PHF21A: variants seen among roughly 807,000 people sequenced by gnomAD.
The protein encoded by PHF21A is BHC80a.
Under a neutral mutation model 82.5 loss-of-function variants are expected in PHF21A, and 11 were observed. The ratio of observed to expected loss-of-function variants is 0.13; its 90% CI spans 0.08 to 0.22. PHF21A has a LOEUF of 0.22. Ranked by LOEUF, PHF21A falls within the 10% of genes least tolerant of loss-of-function variation. The pLI is 1.00. For synonymous variants in PHF21A, 297 were observed against 302.8 expected, an observed-to-expected ratio of 0.98 and a Z score of 0.20; for missense variants, 579 against 837.8, an observed-to-expected ratio of 0.69 and a Z score of 3.81.
chr11:46,003,214 T>TAA (rs537419397), intron 6 of PHF21A, among the ~76,000 whole-genome samples: 1 of 150,036 alleles, frequency 6.7e-6, no homozygotes, highest in South Asian at 2.1e-4. Context: ...AGAGTGCCAC[T>TAA]AAAAAAAGTC....
chr11:46,012,468 G>A (rs1323499536), intron 6 of PHF21A, among the ~76,000 whole-genome samples: 1 of 152,150 alleles, frequency 6.6e-6, no homozygotes, highest in African/African-American at 2.4e-5. Flanking sequence ...CACAAACAGT[G>A]AAGGACCACA....
intron 6 of PHF21A, among the ~76,000 whole-genome samples, chr11:46,022,479 A>G (rs1318611074): frequency 6.6e-6 from 1 of 152,008 alleles, no homozygotes; most frequent in Admixed American, 6.6e-5. Flanking sequence ...AAAGAAACAA[A>G]AAGACAGGGT....
intron 6 of PHF21A, among the ~76,000 whole-genome samples, chr11:46,007,334 G>A (rs545163175): frequency 1.4e-5 from 2 of 146,210 alleles, no homozygotes; most frequent in South Asian, 2.1e-4. Flanking sequence ...TTTTTTTTTC[G>A]AGATGGAGTT....
intron 6 of PHF21A, among the ~76,000 whole-genome samples, chr11:46,040,209 C>T (rs2096100582): frequency 1.3e-5 from 2 of 152,064 alleles, no homozygotes; most frequent in Non-Finnish European, 2.9e-5. Context: ...GAACATAATA[C>T]AAGTCACATA....
At chr11:46,034,988 A>G (rs2095963549) in intron 6 of PHF21A, among the ~76,000 whole-genome samples, 1 of 152,250 alleles carries the variant, frequency 6.6e-6, no homozygotes, top group Admixed American at 6.5e-5. Context: ...GTAGTTAAAA[A>G]TGAAGTGGAG....
intron 6 of PHF21A, among the ~76,000 whole-genome samples, chr11:46,054,442 C>T (rs1413900624): frequency 6.6e-6 from 1 of 152,182 alleles, no homozygotes; most frequent in Non-Finnish European, 1.5e-5. Flanking sequence ...TTAAAATCCA[C>T]TTACCTACTC....
chr11:46,088,853 G>A (rs2096887787), intron 3 of PHF21A, among the ~76,000 whole-genome samples: 3 of 151,714 alleles, frequency 2.0e-5, no homozygotes. Flanking sequence ...TATTTCTCTG[G>A]GTATACTTCT....
At chr11:45,977,127 C>T (rs1483907108) in intron 7 of PHF21A, among the ~76,000 whole-genome samples, 2 of 150,472 alleles carry the variant, frequency 1.3e-5, no homozygotes, top group South Asian at 4.2e-4. Flanking sequence ...TTTGGAAATG[C>T]TTCCTTTGAT....
At chr11:46,000,336 A>G (rs1353107471) in intron 6 of PHF21A, among the ~76,000 whole-genome samples, 1 of 152,232 alleles carries the variant, frequency 6.6e-6, no homozygotes, top group Non-Finnish European at 1.5e-5. Context: ...CTACTTCTTC[A>G]TACTCTACTG....
At chr11:46,051,868 C>T (rs1245040741) in intron 6 of PHF21A, among the ~76,000 whole-genome samples, 1 of 152,160 alleles carries the variant, frequency 6.6e-6, no homozygotes, top group Admixed American at 6.6e-5. Context: ...TTCTTCTGTA[C>T]AGAAACCAGG....
At chr11:45,945,748 G>T in intron 15 of PHF21A, 92 bp downstream of exon 15, 1 of 1,065,174 alleles carries the variant, frequency 9.4e-7, no homozygotes, top group Non-Finnish European at 1.3e-6. Context: ...GGTTAGTCAA[G>T]AAGGTGCAAG....
chr11:45,943,408 G>C (rs976719193), intron 15 of PHF21A, among the ~76,000 whole-genome samples: 1 of 151,990 alleles, frequency 6.6e-6, no homozygotes, highest in Non-Finnish European at 1.5e-5. Flanking sequence ...TTGAACTCCT[G>C]GGCTCAAGCA....
chr11:45,959,143 C>T (rs1490080025), intron 10 of PHF21A, among the ~76,000 whole-genome samples: 2 of 151,656 alleles, frequency 1.3e-5, no homozygotes, highest in Non-Finnish European at 2.9e-5. Flanking sequence ...TTAACAGAAC[C>T]AAGGGGGAAA....
intron 1 of PHF21A, among the ~76,000 whole-genome samples, chr11:46,101,058 T>C (rs1054165420): frequency 9.8e-5 from 15 of 152,342 alleles, no homozygotes; most frequent in African/African-American, 3.4e-4. Context: ...TTATATATTG[T>C]CCTGCTTATG....
intron 1 of PHF21A, among the ~76,000 whole-genome samples, chr11:46,096,764 G>A (rs1487178096): frequency 6.6e-6 from 1 of 152,084 alleles, no homozygotes; most frequent in East Asian, 1.9e-4. Context: ...TCTACACACT[G>A]GCAATTCCCA....
intron 9 of PHF21A, among the ~76,000 whole-genome samples, chr11:45,968,919 G>A (rs1413309729): frequency 1.9e-5 from 2 of 107,612 alleles, no homozygotes; most frequent in African/African-American, 3.6e-5. Context: ...CGATGGGAGC[G>A]AAACTCCATT....
intron 16 of PHF21A, chr11:45,936,836 TCA>T (rs2089186911): frequency 2.6e-6 from 1 of 384,022 alleles, no homozygotes. Context: ...TCCTATCTTT[TCA>T]CACACGCCAC....
At chr11:46,068,643 A>G (rs2096621962) in intron 6 of PHF21A, among the ~76,000 whole-genome samples, 1 of 152,196 alleles carries the variant, frequency 6.6e-6, no homozygotes, top group African/African-American at 2.4e-5. Flanking sequence ...AACTGCTCTC[A>G]GCTAAGCAAT....
intron 16 of PHF21A, 82 bp from the exon 17 acceptor site, chr11:45,936,651 G>T: frequency 1.1e-6 from 1 of 885,344 alleles, no homozygotes; most frequent in African/African-American, 1.7e-5. Context: ...TGGTATCTGT[G>T]GCTACTGGCA....
Sources: gnomAD v4.1 joint callset for allele counts (sites outside exome capture counted in the v4.1 genomes callset) on GRCh38, gnomAD v4.1.1 for gene constraint, MANE v1.5 for transcripts, NCBI Gene and HGNC (gene_info 2026-07-23, HGNC 2026-07-21) for gene names.